LPIN3: variants seen among roughly 807,000 people sequenced by gnomAD.
The protein encoded by LPIN3 is lipin 3.
A neutral mutation model predicts 94.7 loss-of-function variants in LPIN3; 82 were observed. That is an observed-to-expected ratio of 0.87 (90% CI 0.72 to 1.04). LPIN3 has a LOEUF of 1.04. Among genes scored for constraint, LPIN3 ranks in the 50% least tolerant of loss-of-function variants. The pLI is 0.00. For synonymous variants in LPIN3, 418 were observed against 443.3 expected (o/e 0.94, Z 0.72); for missense variants, 996 against 1,090.5 (o/e 0.91, Z 1.22).
At chr20:41,342,531 A>G (rs769637471) in intron 1 of LPIN3, among the ~76,000 whole-genome samples, 2 of 151,978 alleles carry the variant, frequency 1.3e-5, no homozygotes, top group Non-Finnish European at 2.9e-5. Flanking sequence ...GATAGAGGGG[A>G]GCCAAGCAGA....
Position 41,358,882 on chromosome 20 carries a change from C to T in LPIN3, c.*16C>T, listed in dbSNP as rs201111333. 1.6e-4 allele frequency: 255 copies of T among 1,613,164 alleles called. No homozygotes were observed. The highest frequency in any genetic ancestry group is 1.6e-4 in the Non-Finnish European group (187 of 1,179,676). ...CCTGGACTGAACCTGCCCTGGCTGGCTCCTCCTCCCTGGCCCGGCCCAGGA... is the reference window on the plus strand; with the variant it reads ...CCTGGACTGAACCTGCCCTGGCTGGTTCCTCCTCCCTGGCCCGGCCCAGGA... On this transcript the variant is annotated 3_prime_UTR_variant, in exon 20 of 20. Coordinates refer to ENST00000373257, the MANE Select transcript of LPIN3 (RefSeq NM_022896.3).
Position 41,359,931 on chromosome 20 carries a change from C to G in LPIN3, c.*1065C>G, listed in dbSNP as rs900706975. Reference sequence around the variant, plus strand: ...GAAGCAGGGCTGATGCCCCAGCAACCTCTCCTCCCACTGTCTTTGAAGAAA... The same window carrying G: ...GAAGCAGGGCTGATGCCCCAGCAACGTCTCCTCCCACTGTCTTTGAAGAAA... On this transcript the variant is annotated 3_prime_UTR_variant, in exon 20 of 20. Transcript: ENST00000373257. The G allele has an allele frequency of 6.6e-6, 1 of 152,540 alleles. No individual in the cohort carries two copies. The highest frequency in any genetic ancestry group is 2.4e-5 in the African/African-American group (1 of 41,462). The allele number at this position is 152,540 out of a possible 1,614,324, so 9.4% of individuals were successfully genotyped here. A position where few individuals can be genotyped will look rare whatever the true frequency, so the allele number is the denominator to read the frequency against.
rs754995106 is a variant in LPIN3 at position 41,351,902 on chromosome 20, C to A, written c.1184C>A (p.Ala395Glu). ...DLPSLDSENA[A>E]LYFPQSDSGL... is the part of the protein sequence containing the mutation. ...CCCTCCCTGGACTCTGAGAATGCAG[C>A]GCTTTACTTCCCCCAAAGGTGCCTG... Residue 395 changes from alanine to glutamate, a missense_variant, in exon 8 of 20, where the codon GCG (alanine) becomes GAG (glutamate). Ala to Glu is a moderately radical substitution (Grantham distance 107, BLOSUM62 -1). Coordinates refer to ENST00000373257, the MANE Select transcript of LPIN3 (RefSeq NM_022896.3). 6.2e-7 allele frequency: 1 copy of A among 1,614,240 alleles called. No individual in the cohort carries two copies. Among genetic ancestry groups the A allele is most frequent in the Non-Finnish European group, 8.5e-7 (1 of 1,180,048 alleles).
rs760458123 is a variant in LPIN3, at chr20:41,354,815, C to T, written c.1621-5C>T. 3.7e-6 allele frequency: 6 copies of T among 1,606,056 alleles called. No individual in the cohort carries two copies. In the South Asian group the frequency reaches 4.4e-5, roughly 12 times the overall value. ...GGGATTCACTAATGGATGTTCTTTCCACAGCGCAGTGCCCAGAAGGAGAAG... is the reference window on the plus strand; with the variant it reads ...GGGATTCACTAATGGATGTTCTTTCTACAGCGCAGTGCCCAGAAGGAGAAG... On this transcript the variant is annotated splice_polypyrimidine_tract_variant and splice_region_variant and intron_variant, in intron 12 of 19. Transcript: ENST00000373257.
At chr20:41,349,717 T>G (rs1171117631) in intron 5 of LPIN3, 57 bp from the exon 6 acceptor site, 1 of 1,559,558 alleles carries the variant, frequency 6.4e-7, no homozygotes, top group Non-Finnish European at 8.7e-7. Context: ...CTGGCTGGGG[T>G]GGGCAGCAGC....
chr20:41,350,455 G>A, intron 7 of LPIN3, 58 bp downstream of exon 7: 1 of 1,376,416 alleles, frequency 7.3e-7, no homozygotes, highest in Non-Finnish European at 9.8e-7. Context: ...CCCCTGGGTG[G>A]GTGCTGGGAC....
Position 41,357,745 on chromosome 20 carries a change from G to C in LPIN3, c.2040-137G>C, listed in dbSNP as rs1022425306. 5.1e-6 allele frequency: 6 copies of C among 1,185,884 alleles called. No homozygotes were observed. In the South Asian group the frequency reaches 7.3e-5, roughly 14 times the overall value. The allele number at this position is 1,185,884 out of a possible 1,614,324, so 73.5% of individuals were successfully genotyped here. ...GTCCAGCTGAGTCCACTGCCTGGCC[G>C]TTCTCTTCAAGTCCCCTCCCTGCAA... On this transcript the variant is annotated intron_variant, in intron 16 of 19. Coordinates refer to ENST00000373257, the MANE Select transcript of LPIN3 (RefSeq NM_022896.3).
In LPIN3 at chr20:41,345,929, G is replaced by C. The variant is rs755941094; in HGVS notation, c.126G>C (p.Ser42=). 6.2e-7 allele frequency: 1 copy of C among 1,614,184 alleles called. No individual in the cohort carries two copies. The highest frequency in any genetic ancestry group is 8.5e-7 in the Non-Finnish European group (1 of 1,180,044). ...DVLVVKQVDG[S]FRCSPFHVRF... is the part of the protein sequence containing the mutation. ...TGGTGGTGAAGCAGGTGGACGGCTC[G>C]TTCCGGTGCTCACCCTTCCACGTGC... The change falls in exon 2 of 20, where the codon TCG becomes TCC. Residue 42 remains serine, a synonymous_variant. Transcript: ENST00000373257.
At position 41,352,126 on chromosome 20, in the gene LPIN3, C is replaced by T. The variant is rs1351910623; in HGVS notation, c.1269C>T (p.Asn423=). 3.1e-6 allele frequency: 5 copies of T among 1,614,128 alleles called. No individual in the cohort carries two copies. Among genetic ancestry groups the T allele is most frequent in the East Asian group, 2.2e-5 (1 of 44,894 alleles). Residue 423 remains asparagine, a synonymous_variant, in exon 9 of 20, where the codon AAC becomes AAT. Coordinates refer to ENST00000373257, the MANE Select transcript of LPIN3 (RefSeq NM_022896.3). Reference sequence around the variant, plus strand: ...GTCAGAAGTCCCTGAGGGACCCCAACCCTGAACATGAACCTGAACCCACTC... The same window carrying T: ...GTCAGAAGTCCCTGAGGGACCCCAATCCTGAACATGAACCTGAACCCACTC... ...PSSQKSLRDP[N]PEHEPEPTLD...
chr20:41,354,539 G>C (rs1345597532), intron 11 of LPIN3, 106 bp from the exon 12 acceptor site: 2 of 1,068,272 alleles, frequency 1.9e-6, no homozygotes, highest in Non-Finnish European at 2.7e-6. Flanking sequence ...CTTACCCTAG[G>C]GTTGGCTCAG....
At chr20:41,357,800 G>T in intron 16 of LPIN3, 82 bp from the exon 17 acceptor site, 1 of 1,567,380 alleles carries the variant, frequency 6.4e-7, no homozygotes, top group Non-Finnish European at 8.7e-7. Flanking sequence ...CCACAGTTGG[G>T]CTGGGCAGGC....
chr20:41,352,330 C>G, intron 9 of LPIN3, 110 bp downstream of exon 9: 3 of 1,277,978 alleles, frequency 2.3e-6, no homozygotes, highest in Non-Finnish European at 3.3e-6. Context: ...GGCTGGGCTT[C>G]CCTGCAGCTC....
At chr20:41,353,510 C>A in intron 11 of LPIN3, among the ~76,000 whole-genome samples, 1 of 152,110 alleles carries the variant, frequency 6.6e-6, no homozygotes, top group East Asian at 1.9e-4. Context: ...AGCAAGTGCC[C>A]GCTGTGCAGA....
At position 41,352,873 on chromosome 20, in the gene LPIN3, G is replaced by A; in HGVS notation, c.1527+6G>A. The A allele has an allele frequency of 6.2e-7, 1 of 1,614,114 alleles. No homozygotes were observed. The highest frequency in any genetic ancestry group is 8.5e-7 in the Non-Finnish European group (1 of 1,179,972). ...TCCAGAAAAACTTGCCCAAGGTAAT[G>A]GTTAGAGCACCACTGCCCCTGCTGG... On this transcript the variant is annotated splice_donor_region_variant and intron_variant, in intron 11 of 19. Coordinates refer to ENST00000373257, the MANE Select transcript of LPIN3 (RefSeq NM_022896.3).
chr20:41,347,411 C>T, intron 2 of LPIN3, 141 bp from the exon 3 acceptor site: 1 of 708,542 alleles, frequency 1.4e-6, no homozygotes, highest in Non-Finnish European at 2.4e-6. Context: ...AGCAGCCAGG[C>T]ACTTGAGGTC....
rs2045830532 is a variant in LPIN3, at chr20:41,347,616, C to A, written c.257C>A (p.Ala86Asp). 1.2e-6 allele frequency: 2 copies of A among 1,614,038 alleles called. No individual in the cohort carries two copies. Among genetic ancestry groups the A allele is most frequent in the Non-Finnish European group, 1.7e-6 (2 of 1,179,954 alleles). ...LHMKLGDSGE[A>D]FFVQELESDD... Reference sequence around the variant, plus strand: ...ATGAAGCTTGGGGACAGCGGGGAGGCCTTCTTTGTTCAGGAGCTGGAGAGC... The same window carrying A: ...ATGAAGCTTGGGGACAGCGGGGAGGACTTCTTTGTTCAGGAGCTGGAGAGC... Residue 86 changes from alanine (A) to aspartate (D), a missense_variant, in exon 3 of 20, where the codon GCC becomes GAC. By Grantham distance (126) the Ala-to-Asp change is moderately radical (BLOSUM62 -2). Coordinates refer to ENST00000373257, the MANE Select transcript of LPIN3 (RefSeq NM_022896.3).
At chr20:41,358,681 G>T in intron 19 of LPIN3, 41 bp from the exon 20 acceptor site, 1 of 1,608,982 alleles carries the variant, frequency 6.2e-7, no homozygotes, top group Non-Finnish European at 8.5e-7. Flanking sequence ...CCATCGTTTG[G>T]TGGCAGCTCA....
chr20:41,344,230 G>C (rs2045690475), intron 1 of LPIN3, among the ~76,000 whole-genome samples: 1 of 152,228 alleles, frequency 6.6e-6, no homozygotes, highest in Admixed American at 6.5e-5. Context: ...GGGCTGTGCA[G>C]AAGTGGCCAT....
chr20:41,340,993 A>C lies in LPIN3; in HGVS notation c.-18A>C, dbSNP rs985340111. On this transcript the variant is annotated 5_prime_UTR_variant, in exon 1 of 20. Coordinates refer to ENST00000373257, the MANE Select transcript of LPIN3 (RefSeq NM_022896.3). ...TCTGAGTCCAGGAGCTCCAGTGGGCAGCTCCCCAGGTAGGGCCCAACTCGG... is the reference window on the plus strand; with the variant it reads ...TCTGAGTCCAGGAGCTCCAGTGGGCCGCTCCCCAGGTAGGGCCCAACTCGG... 2.0e-5 allele frequency: 3 copies of C among 152,374 alleles called. No individual in the cohort carries two copies. The highest frequency in any genetic ancestry group is 7.2e-5 in the African/African-American group (3 of 41,546). The allele number at this position is 152,374 out of a possible 1,614,324, so 9.4% of individuals were successfully genotyped here. A position where few individuals can be genotyped will look rare whatever the true frequency, so the allele number is the denominator to read the frequency against.
Sources: gnomAD v4.1 joint callset for allele counts (sites outside exome capture counted in the v4.1 genomes callset) on GRCh38, gnomAD v4.1.1 for gene constraint, MANE v1.5 for transcripts, NCBI Gene and HGNC (gene_info 2026-07-23, HGNC 2026-07-21) for gene names.